DNAH3: variants seen among roughly 807,000 people sequenced by gnomAD.
The protein encoded by DNAH3 is axonemal beta dynein heavy chain 3.
In DNAH3, 332 loss-of-function variants were observed where a neutral mutation model predicts 432.5. The ratio of observed to expected loss-of-function variants is 0.77; its 90% CI spans 0.70 to 0.84. The LOEUF is 0.84. Ranked by LOEUF, DNAH3 falls within the 40% of genes least tolerant of loss-of-function variation. DNAH3 has a pLI of 0.00. For missense variants in DNAH3, 4,861 were observed against 5,114.0 expected (o/e 0.95, Z 1.51); for synonymous variants, 1,956 against 1,900.2 (o/e 1.03, Z -0.76).
chr16:21,157,336 CTTTTT>C (rs34449371), intron 1 of DNAH3, among the ~76,000 whole-genome samples: 4 of 111,866 alleles, frequency 3.6e-5, no homozygotes, highest in Admixed American at 9.6e-5. Context: ...GTGATTGCTT[CTTTTT>C]TTTTTTTTTT....
At chr16:20,990,804 G>A (rs897228405) in intron 44 of DNAH3, among the ~76,000 whole-genome samples, 1 of 151,994 alleles carries the variant, frequency 6.6e-6, no homozygotes. Context: ...TGCAGATCAC[G>A]AGGTCAAGAG....
intron 59 of DNAH3, 26 bp downstream of exon 59, chr16:20,941,375 G>A (rs1156952851): frequency 6.2e-7 from 1 of 1,612,854 alleles, no homozygotes; most frequent in East Asian, 2.2e-5. Flanking sequence ...CAACTCCCAG[G>A]ATTCAAGCTA....
chr16:21,055,745 A>AT (rs775755456), intron 27 of DNAH3, among the ~76,000 whole-genome samples: 22,110 of 134,218 alleles, frequency 0.16, 2,253 homozygotes, highest in African/African-American at 0.25. Context: ...TCAAATGCAG[A>AT]TTTTTTTTTT....
chr16:20,987,214 T>C (rs1242672425), intron 47 of DNAH3, 91 bp downstream of exon 47: 2 of 1,510,842 alleles, frequency 1.3e-6, no homozygotes, highest in Admixed American at 3.7e-5. Flanking sequence ...GCTGGCAGTC[T>C]CCAACAGGAA....
chr16:20,977,131 T>C (rs2085628676), intron 50 of DNAH3, among the ~76,000 whole-genome samples: 1 of 152,066 alleles, frequency 6.6e-6, no homozygotes, highest in African/African-American at 2.4e-5. Context: ...TCCCAGCACT[T>C]TGGGAGGCTG....
chr16:21,097,606 G>T, intron 17 of DNAH3, 107 bp from the exon 18 acceptor site: 2 of 1,341,692 alleles, frequency 1.5e-6, no homozygotes, highest in Non-Finnish European at 2.1e-6. Context: ...GGAGGGAAAT[G>T]CTTATTCATC....
At chr16:20,972,837 A>T (rs1029736040) in intron 51 of DNAH3, among the ~76,000 whole-genome samples, 1 of 141,014 alleles carries the variant, frequency 7.1e-6, no homozygotes, top group Non-Finnish European at 1.5e-5. Flanking sequence ...CAAGTGATTC[A>T]TGTGCTTGGG....
chr16:21,084,314 C>CTTTA (rs71666850), intron 19 of DNAH3, among the ~76,000 whole-genome samples: 3,759 of 151,206 alleles, frequency 0.025, 54 homozygotes, highest in Non-Finnish European at 0.036. Context: ...AATTTTTTTA[C>CTTTA]TTTATTTATT....
intron 2 of DNAH3, 22 bp from the exon 4 acceptor site, chr16:21,145,428 G>A: frequency 1.3e-6 from 2 of 1,594,986 alleles, no homozygotes; most frequent in South Asian, 2.2e-5. Context: ...GAAGTGCAGA[G>A]TGAGACACAA....
chr16:20,951,457 T>TC (rs2084304685), intron 56 of DNAH3, among the ~76,000 whole-genome samples: 1 of 151,652 alleles, frequency 6.6e-6, no homozygotes, highest in South Asian at 2.1e-4. Flanking sequence ...TTTTTTTTTT[T>TC]CTTCTGAGAC....
intron 53 of DNAH3, among the ~76,000 whole-genome samples, chr16:20,961,963 C>A (rs1391438790): frequency 6.6e-6 from 1 of 151,602 alleles, no homozygotes; most frequent in Non-Finnish European, 1.5e-5. Flanking sequence ...GAGTTCAAGA[C>A]CAGCCTGGCC....
chr16:21,092,054 G>C lies in DNAH3; in HGVS notation c.2666-4994C>G, dbSNP rs370352397. Among the ~76,000 whole-genome samples, 51 of 152,240 alleles carry C rather than the reference G, an allele frequency of 3.3e-4. No individual in the cohort carries two copies. In the South Asian group the frequency reaches 8.9e-3, roughly 27 times the overall value. On this transcript the variant is annotated intron_variant, in intron 18 of 61. Coordinates refer to ENST00000261383, the Ensembl canonical transcript of DNAH3. ...CCAGTTCTTCCCAACTTGATCTATAGATTCAACACAATCCCAGTAAAAATC... is the reference window on the plus strand; with the variant it reads ...CCAGTTCTTCCCAACTTGATCTATACATTCAACACAATCCCAGTAAAAATC...
intron 40 of DNAH3, among the ~76,000 whole-genome samples, chr16:21,020,369 A>ATATATATATATATATATGTAG (rs2088118408): frequency 1.7e-5 from 1 of 57,884 alleles, no homozygotes; most frequent in Non-Finnish European, 3.2e-5. Flanking sequence ...TATATATATA[A>ATATATATATATATATATGTAG]AATCACTATA....
intron 58 of DNAH3, among the ~76,000 whole-genome samples, chr16:20,943,557 T>C (rs948307962): frequency 6.6e-6 from 1 of 152,138 alleles, no homozygotes; most frequent in Non-Finnish European, 1.5e-5. Flanking sequence ...TCTCTTTTCA[T>C]TCCTCTCAAA....
At chr16:21,128,857 T>A in intron 7 of DNAH3, among the ~76,000 whole-genome samples, 1 of 127,160 alleles carries the variant, frequency 7.9e-6, no homozygotes. Context: ...ACACCCTGTC[T>A]CTACAAAGAA....
exon 47 of DNAH3, chr16:20,987,346 TCAC>T (rs1204141153): frequency 6.2e-7 from 1 of 1,614,086 alleles, no homozygotes; most frequent in African/African-American, 1.3e-5. Flanking sequence ...GTGGTTTCCT[TCAC>T]CATGTTGAAA....
chr16:21,030,800 TGCCAGCACTAA>T (rs995421997), intron 37 of DNAH3, among the ~76,000 whole-genome samples: 12 of 152,188 alleles, frequency 7.9e-5, no homozygotes, highest in African/African-American at 2.9e-4. Flanking sequence ...TCCAAACTGA[TGCCAGCACTAA>T]GGCTCACTAT....
chr16:21,054,145 T>A (rs542800011), intron 28 of DNAH3, among the ~76,000 whole-genome samples: 4 of 152,294 alleles, frequency 2.6e-5, no homozygotes, highest in African/African-American at 9.6e-5. Flanking sequence ...AAGGAAATGA[T>A]TCCACGTTGG....
At chr16:21,024,478 G>T in intron 39 of DNAH3, 118 bp downstream of exon 39, 1 of 677,166 alleles carries the variant, frequency 1.5e-6, no homozygotes, top group Non-Finnish European at 2.4e-6. Context: ...GACAACAAGG[G>T]AATTCCCTGC....
Sources: allele counts gnomAD v4.1 joint callset (sites outside exome capture counted in the v4.1 genomes callset), GRCh38; gene constraint gnomAD v4.1.1; transcripts MANE v1.5; gene names NCBI Gene and HGNC (gene_info 2026-07-23, HGNC 2026-07-21).